The following DOK2 variants were observed in gnomAD, a reference collection of about 807,000 sequenced individuals.
The protein encoded by DOK2 is docking protein 2, also known as docking protein 2, 56kD.
Under a neutral mutation model 26.0 loss-of-function variants are expected in DOK2, and 28 were observed. That is an observed-to-expected ratio of 1.08 (90% CI 0.80 to 1.48). The LOEUF (loss-of-function observed/expected upper bound fraction) is 1.48. DOK2 is among the 40% of genes most tolerant of loss of function. DOK2 has a pLI of 0.00. For missense variants in DOK2, 682 were observed against 558.2 expected (o/e 1.22, Z -2.23); for synonymous variants, 282 against 236.9 (o/e 1.19, Z -1.75).
In DOK2 at chr8:21,911,941, G is replaced by A. The variant is rs1439711449; in HGVS notation, c.393C>T (p.Pro131=). 3.8e-6 allele frequency: 6 copies of A among 1,563,054 alleles called. No homozygotes were observed. The highest frequency in any genetic ancestry group is 5.2e-6 in the Non-Finnish European group (6 of 1,153,538). Residue 131 remains proline (P), a synonymous_variant, in exon 3 of 5, where the codon CCC becomes CCT. Transcript: ENST00000276420. Reference sequence around the variant, plus strand: ...TGTACAATTCATTTTCCTCCATGCAGGGCCGGCTCTGCTTTCCCTCTGGCC... The same window carrying A: ...TGTACAATTCATTTTCCTCCATGCAAGGCCGGCTCTGCTTTCCCTCTGGCC... The part of the protein sequence containing the change: ...LSGPEGKQSR[P]CMEENELYSS...
chr8:21,911,726 A>G (rs1809851576), intron 3 of DOK2, among the ~76,000 whole-genome samples, 175 bp downstream of exon 3: 1 of 152,128 alleles, frequency 6.6e-6, no homozygotes, highest in Admixed American at 6.5e-5. Flanking sequence ...TAGGCTCCCT[A>G]CGTTGGGCTG....
chr8:21,910,824 C>T lies in DOK2; in HGVS notation c.467G>A (p.Arg156Lys), dbSNP rs762707505. 9.3e-6 allele frequency: 15 copies of T among 1,612,528 alleles called. No individual in the cohort carries two copies. Among genetic ancestry groups the T allele is most frequent in the South Asian group, 2.2e-5 (2 of 90,888 alleles). ...GPHKEFAVTM[R>K]PTEASERCHL... The stretch of plus-strand genomic sequence containing the variant: ...GCACCTCTCACTGGCTTCTGTAGGT[C>T]TCATGGTCACAGCAAATTCCTTGTG... Residue 156 changes from arginine (R) to lysine (K), a missense_variant, in exon 4 of 5, where the codon AGA becomes AAA. Arg to Lys is a conservative substitution (Grantham distance 26). Coordinates refer to ENST00000276420, the MANE Select transcript of DOK2 (RefSeq NM_003974.4).
intron 2 of DOK2, 50 bp from the exon 3 acceptor site, chr8:21,912,038 C>A (rs766932253): frequency 2.6e-5 from 39 of 1,528,570 alleles, no homozygotes; most frequent in African/African-American, 2.2e-4. Context: ...CCCAGGCCCC[C>A]CTCTGGCCCA....
chr8:21,913,165 G>A (rs980746537), intron 1 of DOK2, among the ~76,000 whole-genome samples: 1 of 152,146 alleles, frequency 6.6e-6, no homozygotes, highest in Non-Finnish European at 1.5e-5. Flanking sequence ...ACTGGGGTTG[G>A]GAAGGAACCT....
intron 3 of DOK2, among the ~76,000 whole-genome samples, chr8:21,911,431 A>T (rs534534909): frequency 6.6e-6 from 1 of 152,156 alleles, no homozygotes; most frequent in Admixed American, 6.5e-5. Flanking sequence ...ACATGGTGAA[A>T]CCCCGACTCT....
intron 4 of DOK2, 25 bp from the exon 5 acceptor site, chr8:21,909,956 T>C (rs750541325): frequency 8.8e-6 from 14 of 1,594,702 alleles, no homozygotes; most frequent in East Asian, 6.7e-5. Flanking sequence ...AAGCAGGTTA[T>C]TGGCCAGGCC....
intron 1 of DOK2, 70 bp downstream of exon 1, chr8:21,913,469 C>T: frequency 6.3e-7 from 1 of 1,587,004 alleles, no homozygotes; most frequent in South Asian, 1.1e-5. Context: ...TATGAAACTC[C>T]CTCTCCAACC....
In DOK2 at chr8:21,909,837, A is replaced by G. The variant is rs150843131; in HGVS notation, c.713T>C (p.Leu238Pro). 160 of 1,613,958 alleles carry G rather than the reference A, an allele frequency of 9.9e-5. 1 individual carries two copies. Among genetic ancestry groups the G allele is most frequent in the Middle Eastern group, 9.9e-4 (6 of 6,062 alleles). ...CTTCTGGGCAGAGATGGCCTCTTCCAGGGCCAAGAAGATCTCATTGCCTTG... is the reference window on the plus strand; with the variant it reads ...CTTCTGGGCAGAGATGGCCTCTTCCGGGGCCAAGAAGATCTCATTGCCTTG... ...TRQGNEIFLA[L>P]EEAISAQKNA... Residue 238 changes from leucine to proline, a missense_variant, in exon 5 of 5, where the codon CTG becomes CCG. By Grantham distance (98) the Leu-to-Pro change is moderately conservative (BLOSUM62 -3). Coordinates refer to ENST00000276420, the MANE Select transcript of DOK2 (RefSeq NM_003974.4).
chr8:21,912,555 G>C, intron 1 of DOK2, 45 bp from the exon 2 acceptor site: 1 of 1,453,568 alleles, frequency 6.9e-7, no homozygotes, highest in Non-Finnish European at 9.0e-7. Context: ...GAGCCACCCA[G>C]AGACGGGGAG....
chr8:21,909,868 T>A lies in DOK2; in HGVS notation c.682A>T (p.Thr228Ser), dbSNP rs1585396490. ...AAGAAGATCTCATTGCCTTGCCGGG[T>A]TTCGAACTCAAAGTTGCCCTCTCCA... Reference protein sequence around the residue: ...VSGEGNFEFETRQGNEIFLAL... With the variant: ...VSGEGNFEFESRQGNEIFLAL... Residue 228 changes from threonine to serine, a missense_variant, in exon 5 of 5, where the codon ACC becomes TCC. Physicochemically the swap from Thr to Ser is moderately conservative, Grantham distance 58. Transcript: ENST00000276420. 1 of 1,613,682 alleles carries A rather than the reference T, an allele frequency of 6.2e-7. No individual in the cohort carries two copies. Among genetic ancestry groups the A allele is most frequent in the Non-Finnish European group, 8.5e-7 (1 of 1,180,008 alleles).
Position 21,912,696 on chromosome 8 carries a change from G to A in DOK2, c.64-186C>T, listed in dbSNP as rs79101417. 373 of 614,922 alleles carry A rather than the reference G, an allele frequency of 6.1e-4. No individual in the cohort carries two copies. In the East Asian group the frequency reaches 0.011, roughly 18 times the overall value. The allele number at this position is 614,922 out of a possible 1,614,324, so 38.1% of individuals were successfully genotyped here. The stretch of plus-strand genomic sequence containing the variant: ...AAGAGGACAGTGACTGCAGGAATTA[G>A]AAAATCGGAGATCAGCCGCCAGCCC... On this transcript the variant is annotated intron_variant, in intron 1 of 4. Transcript: ENST00000276420.
intron 1 of DOK2, among the ~76,000 whole-genome samples, chr8:21,912,850 G>A (rs1239271961): frequency 1.3e-5 from 2 of 152,212 alleles, no homozygotes; most frequent in Non-Finnish European, 1.5e-5. Context: ...GGAGGAAAGC[G>A]GGGCAGTGGC....
At chr8:21,911,046 G>A (rs1182372724) in intron 3 of DOK2, 189 bp from the exon 4 acceptor site, 6 of 648,864 alleles carry the variant, frequency 9.2e-6, no homozygotes, top group Non-Finnish European at 1.5e-5. Context: ...AAAAGGCCAG[G>A]TACCTCCACC....
Position 21,909,283 on chromosome 8 carries a change from G to A in DOK2, c.*28C>T. The stretch of plus-strand genomic sequence containing the variant: ...AGGAGTCACCAGCAGAAGCCAAGGG[G>A]CGGTGGACCATCCCTCTGCTGCCTC... On this transcript the variant is annotated 3_prime_UTR_variant, in exon 5 of 5. Transcript: ENST00000276420. The A allele has an allele frequency of 2.0e-6, 3 of 1,518,762 alleles. No individual in the cohort carries two copies. Among genetic ancestry groups the A allele is most frequent in the South Asian group, 1.3e-5 (1 of 75,120 alleles). The allele number at this position is 1,518,762 out of a possible 1,614,324, so 94.1% of individuals were successfully genotyped here. A position where few individuals can be genotyped will look rare whatever the true frequency, so the allele number is the denominator to read the frequency against.
intron 1 of DOK2, 23 bp downstream of exon 1, chr8:21,913,516 C>G (rs745352035): frequency 3.1e-6 from 5 of 1,613,842 alleles, no homozygotes; most frequent in Non-Finnish European, 4.2e-6. Flanking sequence ...CCCTGCCCAA[C>G]CCCAGCCCAG....
At chr8:21,912,024 G>T in intron 2 of DOK2, 36 bp from the exon 3 acceptor site, 2 of 1,534,896 alleles carry the variant, frequency 1.3e-6, no homozygotes, top group Non-Finnish European at 8.8e-7. Flanking sequence ...CACCTTCCCC[G>T]ATCCCCAGGC....
At chr8:21,910,644 A>G (rs752857479) in intron 4 of DOK2, 29 bp downstream of exon 4, 76 of 1,612,302 alleles carry the variant, frequency 4.7e-5, no homozygotes, top group Non-Finnish European at 6.0e-5. Context: ...CCTTTCTCTC[A>G]ACCTGCCCTG....
intron 1 of DOK2, 148 bp from the exon 2 acceptor site, chr8:21,912,658 C>T (rs2117208984): frequency 2.7e-6 from 2 of 750,946 alleles, no homozygotes; most frequent in Non-Finnish European, 4.2e-6. Flanking sequence ...ACATGAGACC[C>T]AGGGAGGCAG....
chr8:21,911,763 A>T, intron 3 of DOK2, 138 bp downstream of exon 3: 3 of 926,522 alleles, frequency 3.2e-6, no homozygotes, highest in Admixed American at 3.2e-5. Context: ...GGAGAGGCTG[A>T]TAACGGGGCT....
Sources: gnomAD v4.1 joint callset for allele counts (sites outside exome capture counted in the v4.1 genomes callset) on GRCh38, gnomAD v4.1.1 for gene constraint, MANE v1.5 for transcripts, NCBI Gene and HGNC (gene_info 2026-07-23, HGNC 2026-07-21) for gene names.